Variants in PYY observed in about 807,000 individuals in gnomAD.
The protein encoded by PYY is peptide tyrosine tyrosine.
PYY carries 12 observed loss-of-function variants against 10.3 expected under a neutral mutation model. The observed-to-expected ratio is 1.17, with a 90% confidence interval of 0.75 to 1.89. The LOEUF is 1.89. Ranked by LOEUF, PYY falls within the 40% of genes most tolerant of loss-of-function variation. The probability of loss-of-function intolerance (pLI) is 0.00; values close to 1 mark genes in which losing one functional copy is unlikely to be tolerated. For synonymous variants in PYY, 66 were observed against 62.0 expected (o/e 1.06, Z -0.30); for missense variants, 141 against 134.0 (o/e 1.05, Z -0.26).
intron 2 of PYY, 45 bp downstream of exon 2, chr17:43,953,251 C>T (rs750790613): frequency 6.2e-7 from 1 of 1,608,422 alleles, no homozygotes; most frequent in Middle Eastern, 1.7e-4. Context: ...GGAGCGGGGC[C>T]GCAGGGTGAG....
intron 1 of PYY, among the ~76,000 whole-genome samples, chr17:43,970,568 A>T (rs2048785526): frequency 6.6e-6 from 1 of 152,180 alleles, no homozygotes; most frequent in Admixed American, 6.5e-5. Context: ...GGTCAATGGA[A>T]CAGAATAGAC....
At chr17:44,000,342 G>T (rs1283425942) in intron 1 of PYY, among the ~76,000 whole-genome samples, 1 of 152,178 alleles carries the variant, frequency 6.6e-6, no homozygotes, top group Non-Finnish European at 1.5e-5. Flanking sequence ...GGACTGCCCT[G>T]TGTCTGCCTT....
intron 1 of PYY, among the ~76,000 whole-genome samples, chr17:43,993,399 C>T (rs2048970911): frequency 6.7e-6 from 1 of 150,062 alleles, no homozygotes; most frequent in Non-Finnish European, 1.5e-5. Context: ...GCAGAGCCTG[C>T]AGTGAGCCGA....
intron 1 of PYY, among the ~76,000 whole-genome samples, chr17:44,003,394 C>A (rs1243748164): frequency 6.6e-6 from 1 of 152,098 alleles, no homozygotes; most frequent in Non-Finnish European, 1.5e-5. Context: ...TGGTGGCTCA[C>A]GCCTGTAATC....
At chr17:44,003,520 T>C (rs898889014) in intron 1 of PYY, among the ~76,000 whole-genome samples, 2 of 151,740 alleles carry the variant, frequency 1.3e-5, no homozygotes, top group Non-Finnish European at 2.9e-5. Flanking sequence ...CCGGGTGTGA[T>C]GGTGTCTGCC....
intron 1 of PYY, among the ~76,000 whole-genome samples, chr17:43,989,195 A>C (rs1454181440): frequency 4.0e-5 from 6 of 151,844 alleles, no homozygotes; most frequent in South Asian, 2.1e-4. Context: ...TAACACGGTG[A>C]AACCCCGTCT....
At chr17:43,965,305 A>G (rs2143908830) in intron 2 of PYY, among the ~76,000 whole-genome samples, 1 of 150,914 alleles carries the variant, frequency 6.6e-6, no homozygotes, top group Admixed American at 6.6e-5. Flanking sequence ...ACATGGTGAA[A>G]CCCCATCTCT....
chr17:43,994,370 G>A (rs1273329204), intron 1 of PYY, among the ~76,000 whole-genome samples: 3 of 151,874 alleles, frequency 2.0e-5, no homozygotes, highest in Admixed American at 1.3e-4. Context: ...AGCTACCGTC[G>A]GCTTTACCCT....
chr17:43,990,957 G>A (rs912935129), intron 1 of PYY, among the ~76,000 whole-genome samples: 2 of 151,630 alleles, frequency 1.3e-5, no homozygotes, highest in African/African-American at 4.8e-5. Flanking sequence ...ACCACGCCCG[G>A]CTAATTTTTT....
At chr17:43,957,639 AGAGT>A (rs756770797), upstream of PYY, among the ~76,000 whole-genome samples, 46 of 152,376 alleles carry the variant, frequency 3.0e-4, no homozygotes, top group Non-Finnish European at 5.3e-4. Flanking sequence ...CCTTGGTGAC[AGAGT>A]GAGAATCTGT....
intron 1 of PYY, among the ~76,000 whole-genome samples, chr17:43,989,541 G>C (rs2048938908): frequency 6.6e-6 from 1 of 151,900 alleles, no homozygotes; most frequent in Non-Finnish European, 1.5e-5. Flanking sequence ...CTTGTTGTTA[G>C]CCATCCTGAT....
chr17:43,967,857 G>A (rs886583817), intron 1 of PYY, among the ~76,000 whole-genome samples: 1 of 152,112 alleles, frequency 6.6e-6, no homozygotes, highest in Non-Finnish European at 1.5e-5. Context: ...ACAAGACAGC[G>A]CCAAATCCAG....
At chr17:44,001,142 C>T (rs1354642236) in intron 1 of PYY, among the ~76,000 whole-genome samples, 1 of 152,186 alleles carries the variant, frequency 6.6e-6, no homozygotes, top group Non-Finnish European at 1.5e-5. Context: ...CAAATGTCAA[C>T]CCCAGCCCCT....
rs547820023 is a variant in PYY, at chr17:43,961,702, G to A, written c.-217-3674C>T. 9.2e-5 allele frequency among the ~76,000 whole-genome samples: 14 copies of A among 152,090 alleles called. No individual in the cohort carries two copies. In the East Asian group the frequency reaches 9.7e-4, roughly 11 times the overall value. On this transcript the variant is annotated intron_variant, in intron 2 of 6. Coordinates refer to the PYY transcript ENST00000360085. ...ATTACAGGAGTGCGCCACCACACCC[G>A]GCTAAGTTTTGTATTTTTAGTAGAG...
intron 2 of PYY, among the ~76,000 whole-genome samples, chr17:43,961,604 A>C (rs2048713230): frequency 6.6e-6 from 1 of 151,856 alleles, no homozygotes; most frequent in Non-Finnish European, 1.5e-5. Flanking sequence ...GCAGTGGCGC[A>C]ATCTCAGCTC....
Position 43,989,361 on chromosome 17 carries a change from A to G in PYY, c.-463+15030T>C, listed in dbSNP as rs536515909. Among the ~76,000 whole-genome samples the G allele has an allele frequency of 3.0e-4, 45 of 152,010 alleles. 1 individual carries two copies. In the East Asian group the frequency reaches 7.1e-3, roughly 24 times the overall value. On this transcript the variant is annotated intron_variant, in intron 1 of 6. Transcript: ENST00000360085. The stretch of plus-strand genomic sequence containing the variant: ...TGCACTCCAGCCTGGGTGACAGAGC[A>G]AGACTCCGTCTCAAAAACAAACAAA...
At chr17:43,981,577 C>T (rs1201790046) in intron 1 of PYY, among the ~76,000 whole-genome samples, 1 of 152,108 alleles carries the variant, frequency 6.6e-6, no homozygotes, top group Non-Finnish European at 1.5e-5. Flanking sequence ...GCAACCTCTG[C>T]CTCCCAGGTT....
chr17:43,957,227 C>A (rs1567925987), upstream of PYY, among the ~76,000 whole-genome samples: 2 of 151,212 alleles, frequency 1.3e-5, no homozygotes, highest in Non-Finnish European at 2.9e-5. Flanking sequence ...GTAATTCAAT[C>A]CTCATTCAAC....
chr17:43,971,159 C>G (rs1281665874), intron 1 of PYY, among the ~76,000 whole-genome samples: 1 of 152,128 alleles, frequency 6.6e-6, no homozygotes, highest in Non-Finnish European at 1.5e-5. Flanking sequence ...TTTTGCATTC[C>G]CACCATCAAT....
Sources: allele counts gnomAD v4.1 joint callset (sites outside exome capture counted in the v4.1 genomes callset), GRCh38; gene constraint gnomAD v4.1.1; transcripts MANE v1.5; gene names NCBI Gene and HGNC (gene_info 2026-07-23, HGNC 2026-07-21).